Variants in PLEKHH2 observed in about 807,000 individuals in gnomAD.
The protein encoded by PLEKHH2 is pleckstrin homology, MyTH4 and FERM domain containing H2.
In PLEKHH2, 129 loss-of-function variants were observed where a neutral mutation model predicts 187.9. That is an observed-to-expected ratio of 0.69 (90% CI 0.59 to 0.79). PLEKHH2 has a LOEUF of 0.79. Ranked by LOEUF, PLEKHH2 falls within the 30% of genes least tolerant of loss-of-function variation. PLEKHH2 has a pLI of 0.00. For missense variants in PLEKHH2, 2,076 were observed against 1,751.2 expected (o/e 1.19, Z -3.31); for synonymous variants, 686 against 605.6 (o/e 1.13, Z -1.95).
chr2:43,700,734 C>A, intron 8 of PLEKHH2, 126 bp downstream of exon 8: 1 of 1,205,972 alleles, frequency 8.3e-7, no homozygotes, highest in Non-Finnish European at 1.2e-6. Flanking sequence ...CTCACTGCAA[C>A]CTCCATCTCC....
At chr2:43,711,304 A>G in intron 14 of PLEKHH2, 1 of 985,464 alleles carries the variant, frequency 1.0e-6, no homozygotes, top group Non-Finnish European at 1.2e-6. Flanking sequence ...AAAACCTCTC[A>G]AAAATTTAGA....
intron 24 of PLEKHH2, among the ~76,000 whole-genome samples, chr2:43,749,402 G>C (rs6544703): frequency 0.43 from 65,396 of 151,962 alleles, 17,272 homozygotes; most frequent in African/African-American, 0.75. Flanking sequence ...CTCAGCCTCC[G>C]TAAAATGCGT....
At chr2:43,717,254 C>G (rs1239687880) in intron 15 of PLEKHH2, among the ~76,000 whole-genome samples, 1 of 152,082 alleles carries the variant, frequency 6.6e-6, no homozygotes, top group Admixed American at 6.6e-5. Flanking sequence ...CTTGTCTTCT[C>G]TAAAAATACA....
chr2:43,684,463 A>G (rs1019642863), intron 3 of PLEKHH2, among the ~76,000 whole-genome samples: 1 of 152,176 alleles, frequency 6.6e-6, no homozygotes, highest in African/African-American at 2.4e-5. Flanking sequence ...ATATGTGGCA[A>G]ATTTGTTTGT....
intron 10 of PLEKHH2, 76 bp from the exon 11 acceptor site, chr2:43,707,325 A>T (rs1669710318): frequency 6.4e-7 from 1 of 1,563,382 alleles, no homozygotes; most frequent in East Asian, 2.3e-5. Context: ...AGGCGACCCT[A>T]ATAACTAGCA....
At chr2:43,654,167 C>G (rs1444722324) in intron 2 of PLEKHH2, among the ~76,000 whole-genome samples, 1 of 151,902 alleles carries the variant, frequency 6.6e-6, no homozygotes, top group Non-Finnish European at 1.5e-5. Flanking sequence ...ATTAATAAAC[C>G]TTTTGGAAGT....
At chr2:43,742,690 G>T in intron 21 of PLEKHH2, 51 bp from the exon 22 acceptor site, 2 of 1,338,172 alleles carry the variant, frequency 1.5e-6, no homozygotes, top group Non-Finnish European at 2.0e-6. Context: ...GCACATATTA[G>T]GTTGTCAATT....
At chr2:43,638,867 G>T (rs1213209768) in intron 1 of PLEKHH2, among the ~76,000 whole-genome samples, 1 of 152,194 alleles carries the variant, frequency 6.6e-6, no homozygotes, top group Non-Finnish European at 1.5e-5. Context: ...CTGGATCTCA[G>T]TGCAGACCAT....
At chr2:43,647,650 G>A (rs150713662) in intron 2 of PLEKHH2, among the ~76,000 whole-genome samples, 195 of 152,234 alleles carry the variant, frequency 1.3e-3, no homozygotes, top group African/African-American at 4.3e-3. Context: ...GCCAACTCGA[G>A]TCAAATGTTG....
At chr2:43,687,170 A>C (rs146855382) in intron 3 of PLEKHH2, among the ~76,000 whole-genome samples, 2 of 152,042 alleles carry the variant, frequency 1.3e-5, no homozygotes, top group African/African-American at 4.8e-5. Context: ...CATAGTCCTC[A>C]GTGTCTGTTG....
intron 9 of PLEKHH2, among the ~76,000 whole-genome samples, chr2:43,704,507 A>G (rs113537995): frequency 1.0e-3 from 157 of 151,780 alleles, no homozygotes; most frequent in African/African-American, 3.6e-3. Context: ...TAAAAATACA[A>G]AAAAAATTAG....
intron 2 of PLEKHH2, among the ~76,000 whole-genome samples, chr2:43,645,730 G>C (rs1264671695): frequency 2.0e-5 from 3 of 152,042 alleles, no homozygotes; most frequent in East Asian, 3.9e-4. Context: ...TTTTAAACGT[G>C]TGTATTAGAA....
chr2:43,696,487 C>CAAAA (rs11380251), intron 6 of PLEKHH2, among the ~76,000 whole-genome samples: 1 of 112,758 alleles, frequency 8.9e-6, no homozygotes, highest in South Asian at 3.0e-4. Context: ...CACCCTGTCT[C>CAAAA]AAAAAAAAAA....
chr2:43,722,433 T>G (rs958016713), intron 16 of PLEKHH2, among the ~76,000 whole-genome samples: 8 of 152,146 alleles, frequency 5.3e-5, no homozygotes, highest in African/African-American at 1.9e-4. Context: ...TGAAGGCAGC[T>G]GGTCCTCGAG....
At chr2:43,705,918 T>C (rs936306620) in intron 9 of PLEKHH2, among the ~76,000 whole-genome samples, 2 of 152,084 alleles carry the variant, frequency 1.3e-5, no homozygotes, top group African/African-American at 4.8e-5. Context: ...AGAACAGTGG[T>C]TTTGATACCA....
intron 9 of PLEKHH2, among the ~76,000 whole-genome samples, chr2:43,706,025 G>C (rs1040970545): frequency 4.6e-5 from 7 of 152,174 alleles, no homozygotes; most frequent in African/African-American, 1.4e-4. Flanking sequence ...GTTCTGCCCA[G>C]CCTGAGCAAA....
chr2:43,761,672 A>T (rs1246013198), intron 27 of PLEKHH2, among the ~76,000 whole-genome samples: 1 of 152,074 alleles, frequency 6.6e-6, no homozygotes. Flanking sequence ...CGGCTTCCCA[A>T]GGTGCTAGGA....
chr2:43,647,014 T>C (rs936945622), intron 2 of PLEKHH2, among the ~76,000 whole-genome samples: 1 of 152,106 alleles, frequency 6.6e-6, no homozygotes, highest in South Asian at 2.1e-4. Flanking sequence ...TATATTCCAT[T>C]ATGAATATTT....
At chr2:43,672,797 A>T (rs1667553768) in intron 2 of PLEKHH2, among the ~76,000 whole-genome samples, 2 of 152,100 alleles carry the variant, frequency 1.3e-5, no homozygotes, top group African/African-American at 2.4e-5. Flanking sequence ...CAGCTCCGTA[A>T]AACTCCCTCT....
Sources: gnomAD v4.1 joint callset for allele counts (sites outside exome capture counted in the v4.1 genomes callset) on GRCh38, gnomAD v4.1.1 for gene constraint, MANE v1.5 for transcripts, NCBI Gene and HGNC (gene_info 2026-07-23, HGNC 2026-07-21) for gene names.